CNIH3: variants seen among roughly 807,000 people sequenced by gnomAD.
The protein encoded by CNIH3 is cornichon family AMPA receptor auxiliary protein 3.
In CNIH3, 14 loss-of-function variants were observed where a neutral mutation model predicts 24.1. The ratio of observed to expected loss-of-function variants is 0.58; its 90% CI spans 0.38 to 0.91. The LOEUF is 0.91. Among genes scored for constraint, CNIH3 ranks in the 40% least tolerant of loss-of-function variants. The pLI is 0.00. For synonymous variants in CNIH3, 68 were observed against 73.8 expected (o/e 0.92, Z 0.40); for missense variants, 178 against 196.8 (o/e 0.90, Z 0.57).
At chr1:224,497,746 A>C (rs762609429) in intron 1 of CNIH3, among the ~76,000 whole-genome samples, 7 of 152,192 alleles carry the variant, frequency 4.6e-5, no homozygotes, top group Non-Finnish European at 1.0e-4. Flanking sequence ...CACTTCCTGC[A>C]CTGCTGGCTG....
Position 224,672,583 on chromosome 1 carries a change from G to A in CNIH3, c.82-8375G>A, listed in dbSNP as rs116526161. Among the ~76,000 whole-genome samples the A allele has an allele frequency of 4.1e-3, 619 of 152,180 alleles. 3 individuals carry two copies. Among genetic ancestry groups the A allele is most frequent in the African/African-American group, 0.013 (541 of 41,510 alleles). ...CTCCTGGTAGCCCTTGATGTTCCTCGGCTGATAGCTGTGTCCCTCCAATTG... is the reference window on the plus strand; with the variant it reads ...CTCCTGGTAGCCCTTGATGTTCCTCAGCTGATAGCTGTGTCCCTCCAATTG... On this transcript the variant is annotated intron_variant, in intron 1 of 5. Transcript: ENST00000272133.
chr1:224,565,339 C>T (rs1680537170), intron 3 of CNIH3: 1 of 152,216 alleles, frequency 6.6e-6, no homozygotes, highest in Non-Finnish European at 1.5e-5. Flanking sequence ...AGTGTGACTG[C>T]AAGAACACAA....
chr1:224,512,846 A>G (rs774972221), upstream of CNIH3, among the ~76,000 whole-genome samples: 7 of 152,170 alleles, frequency 4.6e-5, no homozygotes, highest in Non-Finnish European at 1.0e-4. Flanking sequence ...AGGGGAACTA[A>G]GCTAAAAATG....
chr1:224,739,301 T>A, intron 5 of CNIH3, 28 bp from the exon 6 acceptor site: 1 of 1,081,054 alleles, frequency 9.3e-7, no homozygotes, highest in Admixed American at 2.9e-5. Flanking sequence ...CTCTCTTTTT[T>A]TTTTTTTTTT....
intron 3 of CNIH3, among the ~76,000 whole-genome samples, chr1:224,699,534 A>G (rs1240460765): frequency 6.6e-6 from 1 of 152,062 alleles, no homozygotes; most frequent in East Asian, 1.9e-4. Context: ...TGGCTTGTGT[A>G]TGGCCACCTT....
intron 2 of CNIH3, among the ~76,000 whole-genome samples, chr1:224,532,493 C>T (rs970919492): frequency 2.0e-5 from 3 of 152,120 alleles, no homozygotes; most frequent in Admixed American, 2.0e-4. Flanking sequence ...TTGCAGTTAT[C>T]CAGGTGAGAG....
intron 3 of CNIH3, among the ~76,000 whole-genome samples, chr1:224,710,250 C>T (rs574298577): frequency 6.6e-6 from 1 of 152,376 alleles, no homozygotes; most frequent in Non-Finnish European, 1.5e-5. Context: ...TACACCACAT[C>T]TCTTGTCTTT....
At chr1:224,596,079 A>G (rs773169950) in intron 3 of CNIH3, among the ~76,000 whole-genome samples, 2 of 152,234 alleles carry the variant, frequency 1.3e-5, no homozygotes, top group Non-Finnish European at 2.9e-5. Flanking sequence ...ACTAAACAAC[A>G]GATTTTCAAT....
At chr1:224,667,841 T>A (rs1435152713) in intron 1 of CNIH3, among the ~76,000 whole-genome samples, 1 of 151,914 alleles carries the variant, frequency 6.6e-6, no homozygotes. Flanking sequence ...GTGACATGCA[T>A]TAGGGTTTTG....
intron 4 of CNIH3, chr1:224,574,995 G>C: frequency 2.3e-6 from 2 of 877,910 alleles, no homozygotes; most frequent in Non-Finnish European, 3.9e-6. Flanking sequence ...TAATCAGATT[G>C]AGTGCCACCC....
downstream of CNIH3, among the ~76,000 whole-genome samples, chr1:224,539,547 A>C (rs61825838): frequency 0.033 from 4,966 of 152,222 alleles, 100 homozygotes; most frequent in Non-Finnish European, 0.053. Context: ...TTGCTCTCCA[A>C]GATACGTGGT....
intron 3 of CNIH3, among the ~76,000 whole-genome samples, chr1:224,699,981 A>G (rs998470150): frequency 6.6e-6 from 1 of 152,060 alleles, no homozygotes; most frequent in Non-Finnish European, 1.5e-5. Flanking sequence ...CCCTGCGGTT[A>G]TCTTGTCTGG....
At chr1:224,606,158 A>G (rs1486909207) in intron 3 of CNIH3, among the ~76,000 whole-genome samples, 4 of 152,146 alleles carry the variant, frequency 2.6e-5, no homozygotes, top group Non-Finnish European at 5.9e-5. Flanking sequence ...CCAGATCCCC[A>G]GAGAGCATGT....
chr1:224,637,728 T>C (rs1684165108), intron 1 of CNIH3, among the ~76,000 whole-genome samples: 1 of 152,174 alleles, frequency 6.6e-6, no homozygotes, highest in Non-Finnish European at 1.5e-5. Flanking sequence ...ATAGTTAGCA[T>C]GTTATGAATG....
At chr1:224,697,027 C>A (rs1687211250) in intron 3 of CNIH3, among the ~76,000 whole-genome samples, 2 of 152,180 alleles carry the variant, frequency 1.3e-5, no homozygotes. Flanking sequence ...TGTTAGCTAG[C>A]TGCAAAGTTT....
chr1:224,722,626 A>C (rs1688783184), intron 3 of CNIH3, among the ~76,000 whole-genome samples: 1 of 151,758 alleles, frequency 6.6e-6, no homozygotes, highest in African/African-American at 2.4e-5. Context: ...AGAAAGGGGG[A>C]CTCTTAGGCC....
chr1:224,609,419 C>T (rs1486619090), intron 3 of CNIH3, among the ~76,000 whole-genome samples: 1 of 152,002 alleles, frequency 6.6e-6, no homozygotes, highest in South Asian at 2.1e-4. Flanking sequence ...GTTGCTTAGC[C>T]AGGGCAGAGT....
intron 1 of CNIH3, among the ~76,000 whole-genome samples, chr1:224,633,591 G>A (rs1683936538): frequency 1.3e-5 from 2 of 152,228 alleles, no homozygotes; most frequent in African/African-American, 4.8e-5. Context: ...GCCAGATTTC[G>A]ATCTCTGTCC....
chr1:224,505,011 TCCC>T (rs1677838822), intron 1 of CNIH3, among the ~76,000 whole-genome samples: 5 of 29,858 alleles, frequency 1.7e-4, no homozygotes, highest in Non-Finnish European at 2.0e-4. Flanking sequence ...CCTCCCTCCC[TCCC>T]TCCCTCCCTC....
Sources: gnomAD v4.1 joint callset for allele counts (sites outside exome capture counted in the v4.1 genomes callset) on GRCh38, gnomAD v4.1.1 for gene constraint, MANE v1.5 for transcripts, NCBI Gene and HGNC (gene_info 2026-07-23, HGNC 2026-07-21) for gene names.